Variants in IL1RAPL2 observed in about 807,000 individuals in gnomAD.
The protein encoded by IL1RAPL2 is X-linked interleukin-1 receptor accessory protein-like 2.
In IL1RAPL2, 3 loss-of-function variants were observed where a neutral mutation model predicts 44.1. The ratio of observed to expected loss-of-function variants is 0.07; its 90% CI spans 0.03 to 0.18. IL1RAPL2 has a LOEUF of 0.18. Among genes scored for constraint, IL1RAPL2 ranks in the 10% least tolerant of loss-of-function variants. The pLI is 1.00. For missense variants in IL1RAPL2, 391 were observed against 496.4 expected (o/e 0.79, Z 2.02); for synonymous variants, 181 against 178.8 (o/e 1.01, Z -0.10).
chrX:105,353,312 C>A (rs146857858), intron 5 of IL1RAPL2, among the ~76,000 whole-genome samples: 1 of 111,083 alleles, frequency 9.0e-6, no homozygotes, highest in African/African-American at 3.3e-5. Flanking sequence ...GTACCAGTAC[C>A]ATGCTGTTTT....
chrX:104,959,452 C>A (rs2029963818), intron 2 of IL1RAPL2, among the ~76,000 whole-genome samples: 1 of 111,844 alleles, frequency 8.9e-6, no homozygotes, highest in Non-Finnish European at 1.9e-5. Context: ...AAGTTTGCAG[C>A]ATCTCCCTCC....
chrX:105,158,036 A>C (rs1321805310), intron 2 of IL1RAPL2, among the ~76,000 whole-genome samples: 1 of 112,005 alleles, frequency 8.9e-6, no homozygotes, highest in Non-Finnish European at 1.9e-5. Flanking sequence ...TTACATCTTA[A>C]CCTTAAAAAT....
intron 1 of IL1RAPL2, among the ~76,000 whole-genome samples, chrX:104,598,494 C>T (rs757952028): frequency 8.9e-6 from 1 of 111,791 alleles, no homozygotes; most frequent in East Asian, 2.8e-4. Flanking sequence ...TGTTGAAATG[C>T]AAAATTGGCT....
chrX:104,721,717 TGAATA>T (rs1395332093), intron 2 of IL1RAPL2, among the ~76,000 whole-genome samples: 1 of 111,031 alleles, frequency 9.0e-6, no homozygotes, highest in Non-Finnish European at 1.9e-5. Flanking sequence ...CAAATATAAT[TGAATA>T]GAATACCTAT....
At chrX:104,575,453 G>C (rs1165891131) in intron 1 of IL1RAPL2, among the ~76,000 whole-genome samples, 1 of 111,274 alleles carries the variant, frequency 9.0e-6, no homozygotes, top group East Asian at 2.8e-4. Context: ...TATTTTACAT[G>C]CTAGCTCTGG....
At chrX:105,582,535 A>C (rs2037096102) in intron 6 of IL1RAPL2, among the ~76,000 whole-genome samples, 1 of 110,844 alleles carries the variant, frequency 9.0e-6, no homozygotes, top group African/African-American at 3.3e-5. Context: ...TGTTTTATTA[A>C]ATATATTTCT....
At chrX:105,514,669 C>T (rs1027906126) in intron 6 of IL1RAPL2, among the ~76,000 whole-genome samples, 1 of 111,230 alleles carries the variant, frequency 9.0e-6, no homozygotes, top group African/African-American at 3.3e-5. Flanking sequence ...GAAGCAAAAG[C>T]GGACAGTAAA....
intron 2 of IL1RAPL2, among the ~76,000 whole-genome samples, chrX:104,947,147 T>C (rs1386579036): frequency 1.8e-5 from 2 of 112,229 alleles, no homozygotes; most frequent in Non-Finnish European, 3.8e-5. Context: ...GGTTTTGATT[T>C]GTATTTCTCT....
At chrX:104,950,551 C>T (rs1049750046) in intron 2 of IL1RAPL2, among the ~76,000 whole-genome samples, 4 of 112,497 alleles carry the variant, frequency 3.6e-5, no homozygotes, top group Admixed American at 9.3e-5. Context: ...TGGGCAGTGA[C>T]GGGCGCCCCT....
chrX:104,651,018 C>G (rs1930142820), intron 1 of IL1RAPL2, among the ~76,000 whole-genome samples: 2 of 111,927 alleles, frequency 1.8e-5, no homozygotes, highest in African/African-American at 6.5e-5. Flanking sequence ...TGACATATAA[C>G]AGTTTAGCAC....
intron 1 of IL1RAPL2, among the ~76,000 whole-genome samples, chrX:104,628,850 A>G (rs920673403): frequency 6.2e-5 from 7 of 112,323 alleles, no homozygotes; most frequent in African/African-American, 1.9e-4. Context: ...GCATAAAAAT[A>G]TGTGCACATA....
intron 1 of IL1RAPL2, among the ~76,000 whole-genome samples, chrX:104,568,091 GT>G (rs200744321): frequency 9.0e-6 from 1 of 110,960 alleles, no homozygotes; most frequent in African/African-American, 3.3e-5. Flanking sequence ...TATCACAGGT[GT>G]TTTTTTTAGG....
chrX:104,742,261 A>G (rs372853751), intron 2 of IL1RAPL2, among the ~76,000 whole-genome samples: 38 of 111,351 alleles, frequency 3.4e-4, no homozygotes, highest in African/African-American at 1.1e-3. Context: ...GGAAGGACTT[A>G]CTCCTGTTTC....
chrX:104,946,361 C>G lies in IL1RAPL2; in HGVS notation c.83-249114C>G, dbSNP rs760380279. Among the ~76,000 whole-genome samples the G allele has an allele frequency of 9.4e-4, 42 of 44,495 alleles. No homozygotes were observed. The East Asian group carries it at 0.034, about 36-fold the overall frequency. 38.6% of individuals were successfully genotyped at this position (44,495 alleles called of 115,157 possible). ...GCAGTCCGCAGTCTGGCCTGGGCGA[C>G]AGAGCAAGACTCCGTCTCAAAAAAA... On this transcript the variant is annotated intron_variant, in intron 2 of 10. Transcript: ENST00000372582.
At chrX:104,687,698 C>A (rs140334960) in intron 2 of IL1RAPL2, among the ~76,000 whole-genome samples, 45 of 111,396 alleles carry the variant, frequency 4.0e-4, no homozygotes, top group African/African-American at 1.5e-3. Context: ...AAATTTCTGT[C>A]TTTGCCCTGG....
rs761706394 is a variant in IL1RAPL2 at position 104,633,161 on chromosome X, T to G, written c.-19-25734T>G. Among the ~76,000 whole-genome samples the G allele has an allele frequency of 3.6e-5, 4 of 112,037 alleles. No individual in the cohort carries two copies. In the South Asian group the frequency reaches 1.1e-3, roughly 32 times the overall value. On this transcript the variant is annotated intron_variant, in intron 1 of 10. Transcript: ENST00000372582. ...ATTATGTTTATTGTTTTGCATATGT[T>G]GAACCAGCCTTGCATCCCAGGGATG...
intron 5 of IL1RAPL2, among the ~76,000 whole-genome samples, chrX:105,403,802 T>C (rs1276544089): frequency 9.0e-6 from 1 of 111,209 alleles, no homozygotes; most frequent in East Asian, 2.8e-4. Context: ...TTCCCCACAT[T>C]TTCCCCTAAC....
chrX:105,561,694 G>A (rs986588944), intron 6 of IL1RAPL2, among the ~76,000 whole-genome samples: 5 of 112,081 alleles, frequency 4.5e-5, no homozygotes, highest in Non-Finnish European at 9.4e-5. Context: ...GGTAGATACA[G>A]TGCCTATGCT....
chrX:105,217,097 A>C (rs1233243608), intron 3 of IL1RAPL2, among the ~76,000 whole-genome samples: 1 of 107,744 alleles, frequency 9.3e-6, no homozygotes, highest in Admixed American at 9.9e-5. Context: ...GCCAAAATTG[A>C]CAAATGGGAT....
Sources: allele counts gnomAD v4.1 joint callset (sites outside exome capture counted in the v4.1 genomes callset), GRCh38; gene constraint gnomAD v4.1.1; transcripts MANE v1.5; gene names NCBI Gene and HGNC (gene_info 2026-07-23, HGNC 2026-07-21).